GYPE: variants seen among roughly 807,000 people sequenced by gnomAD.
GYPE encodes glycophorin E (MNS blood group).
A neutral mutation model predicts 11.6 loss-of-function variants in GYPE; 8 were observed. The observed-to-expected ratio is 0.69, with a 90% CI of 0.41 to 1.25. GYPE has a LOEUF of 1.25. Ranked by LOEUF, GYPE falls within the 50% of genes most tolerant of loss-of-function variation. The pLI, the probability that GYPE is intolerant of heterozygous loss-of-function variation, is 0.01. For missense variants in GYPE, 90 were observed against 92.8 expected, an observed-to-expected ratio of 0.97 and a Z score of 0.12; for synonymous variants, 28 against 29.6, an observed-to-expected ratio of 0.94 and a Z score of 0.18.
intron 1 of GYPE, among the ~76,000 whole-genome samples, chr4:143,902,689 C>G (rs1744915611): frequency 6.6e-6 from 1 of 151,872 alleles, no homozygotes; most frequent in Admixed American, 6.6e-5. Context: ...AACCAATATG[C>G]TACTATAAAT....
chr4:143,890,749 C>A (rs542026671), intron 1 of GYPE, among the ~76,000 whole-genome samples: 12 of 152,258 alleles, frequency 7.9e-5, no homozygotes, highest in African/African-American at 2.9e-4. Context: ...TTAGCCTGAA[C>A]GACTTTAGAA....
At chr4:143,890,598 C>T (rs1264084400) in intron 1 of GYPE, among the ~76,000 whole-genome samples, 3 of 152,110 alleles carry the variant, frequency 2.0e-5, no homozygotes, top group East Asian at 1.9e-4. Flanking sequence ...GTGCGGCCAG[C>T]GGCGAAAACA....
intron 1 of GYPE, among the ~76,000 whole-genome samples, chr4:143,900,640 T>A (rs1321552242): frequency 6.6e-6 from 1 of 151,378 alleles, no homozygotes; most frequent in Non-Finnish European, 1.5e-5. Flanking sequence ...CACAATGGAA[T>A]AACATTTATT....
At chr4:143,903,712 T>C (rs1232990912) in intron 1 of GYPE, among the ~76,000 whole-genome samples, 2 of 151,966 alleles carry the variant, frequency 1.3e-5, no homozygotes, top group Non-Finnish European at 2.9e-5. Flanking sequence ...CTGGAGACCA[T>C]TGTAGCTTTC....
intron 1 of GYPE, among the ~76,000 whole-genome samples, chr4:143,896,000 A>G (rs1279112876): frequency 6.6e-6 from 1 of 152,158 alleles, no homozygotes; most frequent in Non-Finnish European, 1.5e-5. Context: ...TTATACAAAA[A>G]TTAATTCAAG....
Position 143,880,271 on chromosome 4 carries a change from T to C in GYPE, c.136+140A>G, listed in dbSNP as rs950854392. On this transcript the variant is annotated intron_variant, in intron 2 of 3. Transcript: ENST00000358615. The stretch of plus-strand genomic sequence containing the variant: ...GAATTCCTCTGTAGTAGGAATTGTG[T>C]CTACTTAGTAGGCTGTGTCTACTTA... 8 of 1,384,184 alleles carry C rather than the reference T, an allele frequency of 5.8e-6. No individual in the cohort carries two copies. The African/African-American group carries it at 7.1e-5, about 12-fold the overall frequency. 85.7% of individuals were successfully genotyped at this position (1,384,184 alleles called of 1,614,324 possible). A position where few individuals can be genotyped will look rare whatever the true frequency, so the allele number is the denominator to read the frequency against.
chr4:143,890,074 T>A (rs1381264713), intron 1 of GYPE, among the ~76,000 whole-genome samples: 1 of 152,204 alleles, frequency 6.6e-6, no homozygotes, highest in Non-Finnish European at 1.5e-5. Flanking sequence ...AAGCCTTCAC[T>A]TCAGCAAATC....
Position 143,905,558 on chromosome 4 carries a change from A to T in GYPE, c.-51T>A. The stretch of plus-strand genomic sequence containing the variant: ...AGTTAGTGCAAAAAAACTACCAAAG[A>T]CAACTGCAAGTGTCAGTGTCTGGCC... On this transcript the variant is annotated 5_prime_UTR_variant, in exon 1 of 4. Coordinates refer to ENST00000358615, the MANE Select transcript of GYPE (RefSeq NM_198682.3). The T allele has an allele frequency of 1.2e-6, 2 of 1,612,376 alleles. No individual in the cohort carries two copies. Among genetic ancestry groups the T allele is most frequent in the Admixed American group, 3.3e-5 (2 of 59,854 alleles).
intron 1 of GYPE, among the ~76,000 whole-genome samples, chr4:143,894,383 G>C (rs890387027): frequency 6.6e-6 from 1 of 151,934 alleles, no homozygotes; most frequent in African/African-American, 2.4e-5. Flanking sequence ...GAGGAGAGGT[G>C]CTCTGCTTTT....
In GYPE at chr4:143,900,868, T is replaced by C. The variant is rs571343466; in HGVS notation, c.37+4603A>G. On this transcript the variant is annotated intron_variant, in intron 1 of 3. Coordinates refer to ENST00000358615, the MANE Select transcript of GYPE (RefSeq NM_198682.3). ...CTGCTAATGGGTAAGAGGTTTCCTT[T>C]TGGAGTGATGAAAATGTTCTGGAGC... Among the ~76,000 whole-genome samples, 472 of 152,258 alleles carry C rather than the reference T, an allele frequency of 3.1e-3. 5 individuals are homozygous for C. Among genetic ancestry groups the C allele is most frequent in the African/African-American group, 0.01 (435 of 41,566 alleles).
chr4:143,889,534 A>C lies in GYPE; in HGVS notation c.38-9025T>G, dbSNP rs180805809. Among the ~76,000 whole-genome samples, 220 of 152,218 alleles carry C rather than the reference A, an allele frequency of 1.4e-3. 2 individuals carry two copies. The highest frequency in any genetic ancestry group is 4.7e-3 in the African/African-American group (195 of 41,524). On this transcript the variant is annotated intron_variant, in intron 1 of 3. Transcript: ENST00000358615. The stretch of plus-strand genomic sequence containing the variant: ...GTCTCTCTTTTTAAACTTTAAAAAA[A>C]GTTTTGCTTTTTTCTTGAGATAGGG...
intron 3 of GYPE, chr4:143,875,570 A>T: frequency 6.5e-7 from 1 of 1,550,010 alleles, no homozygotes; most frequent in South Asian, 1.2e-5. Flanking sequence ...CTACGCCTCC[A>T]CTTCAGCCTC....
At chr4:143,884,229 A>C (rs1744163400) in intron 1 of GYPE, among the ~76,000 whole-genome samples, 2 of 92,936 alleles carry the variant, frequency 2.2e-5, no homozygotes, top group Admixed American at 1.3e-4. Context: ...ATCTTTGCCT[A>C]ACTACTGGCT....
chr4:143,905,390 A>G (rs1745019314), intron 1 of GYPE, 81 bp downstream of exon 1: 7 of 1,602,136 alleles, frequency 4.4e-6, no homozygotes, highest in Middle Eastern at 1.7e-4. Context: ...AATAAGATAG[A>G]ACTAAAATAG....
At chr4:143,875,127 A>G (rs2149903406) in intron 3 of GYPE, among the ~76,000 whole-genome samples, 2 of 152,238 alleles carry the variant, frequency 1.3e-5, no homozygotes, top group African/African-American at 2.4e-5. Flanking sequence ...CATATTTCAC[A>G]TGAGACTTCA....
In GYPE at chr4:143,900,866, T is replaced by A. The variant is rs550225642; in HGVS notation, c.37+4605A>T. Among the ~76,000 whole-genome samples the A allele has an allele frequency of 2.0e-3, 302 of 152,264 alleles. 1 individual carries two copies. Among genetic ancestry groups the A allele is most frequent in the South Asian group, 5.2e-3 (25 of 4,826 alleles). ...GGCTGCTAATGGGTAAGAGGTTTCCTTTTGGAGTGATGAAAATGTTCTGGA... is the reference window on the plus strand; with the variant it reads ...GGCTGCTAATGGGTAAGAGGTTTCCATTTGGAGTGATGAAAATGTTCTGGA... On this transcript the variant is annotated intron_variant, in intron 1 of 3. Transcript: ENST00000358615.
intron 1 of GYPE, among the ~76,000 whole-genome samples, chr4:143,891,822 A>T (rs1292689883): frequency 1.3e-5 from 2 of 152,120 alleles, no homozygotes. Context: ...TGCAGTCAAG[A>T]TGGTGCATTC....
chr4:143,902,771 T>C (rs201554252), intron 1 of GYPE, among the ~76,000 whole-genome samples: 2,164 of 152,168 alleles, frequency 0.014, 56 homozygotes, highest in African/African-American at 0.05. Context: ...ATCACACCAG[T>C]CCCTTTGTTT....
In GYPE at chr4:143,871,279, C is replaced by G. The variant is rs546662689; in HGVS notation, c.*983G>C. The G allele has an allele frequency of 2.6e-5, 4 of 152,184 alleles. No individual in the cohort carries two copies. Among genetic ancestry groups the G allele is most frequent in the Admixed American group, 2.6e-4 (4 of 15,286 alleles). The allele number at this position is 152,184 out of a possible 1,614,324, so 9.4% of individuals were successfully genotyped here. ...ACCCATAGTCATTACCTTCAAGGAA[C>G]CTAAATCCTGGTGTTTTTATGGTTA... On this transcript the variant is annotated 3_prime_UTR_variant, in exon 4 of 4. Coordinates refer to ENST00000358615, the MANE Select transcript of GYPE (RefSeq NM_198682.3).
Sources: allele counts gnomAD v4.1 joint callset (sites outside exome capture counted in the v4.1 genomes callset), GRCh38; gene constraint gnomAD v4.1.1; transcripts MANE v1.5; gene names NCBI Gene and HGNC (gene_info 2026-07-23, HGNC 2026-07-21).